The following NRXN1 variants were observed in gnomAD, a reference collection of about 807,000 sequenced individuals.
NRXN1 encodes neurexin-1.
A neutral mutation model predicts 150.9 loss-of-function variants in NRXN1; 39 were observed. The observed-to-expected ratio is 0.26, with a 90% CI of 0.20 to 0.34. The LOEUF (loss-of-function observed/expected upper bound fraction) is 0.34, where lower values mean the gene tolerates loss of function less well. Among genes scored for constraint, NRXN1 ranks in the 10% least tolerant of loss-of-function variants. NRXN1 has a pLI of 1.00. For missense variants in NRXN1, 1,815 were observed against 1,949.9 expected, an observed-to-expected ratio of 0.93 and a Z score of 1.30; for synonymous variants, 924 against 757.0, an observed-to-expected ratio of 1.22 and a Z score of -3.62.
At chr2:50,059,200 A>C (rs1319494261) in intron 19 of NRXN1, among the ~76,000 whole-genome samples, 1 of 152,130 alleles carries the variant, frequency 6.6e-6, no homozygotes, top group Non-Finnish European at 1.5e-5. Context: ...TGAGGAACTT[A>C]TTGGGAACTG....
At chr2:50,817,772 G>A (rs1299082363) in intron 5 of NRXN1, among the ~76,000 whole-genome samples, 1 of 151,686 alleles carries the variant, frequency 6.6e-6, no homozygotes. Context: ...TAGATGCAGG[G>A]GGTAAAAAAG....
At position 51,028,334 on chromosome 2, in the gene NRXN1, C is replaced by T. The variant is rs537003613; in HGVS notation, c.-61G>A. The T allele has an allele frequency of 2.6e-5, 30 of 1,175,762 alleles. No homozygotes were observed. The African/African-American group carries it at 3.7e-4, about 15-fold the overall frequency. The allele number at this position is 1,175,762 out of a possible 1,614,324, so 72.8% of individuals were successfully genotyped here. On this transcript the variant is annotated 5_prime_UTR_variant, in exon 2 of 23. Transcript: ENST00000401669. Reference sequence around the variant, plus strand: ...CCGACAGGGTCAAAATGGTCCTGGACACCGTGACGAAGAAATAAGGGTCCC... The same window carrying T: ...CCGACAGGGTCAAAATGGTCCTGGATACCGTGACGAAGAAATAAGGGTCCC...
intron 18 of NRXN1, among the ~76,000 whole-genome samples, chr2:50,186,021 T>G (rs17040123): frequency 6.6e-6 from 1 of 151,932 alleles, no homozygotes; most frequent in Admixed American, 6.6e-5. Context: ...AGTTAAATAC[T>G]GATTTATAAA....
At chr2:50,848,841 C>G (rs191009381) in intron 5 of NRXN1, among the ~76,000 whole-genome samples, 69 of 152,186 alleles carry the variant, frequency 4.5e-4, no homozygotes, top group African/African-American at 1.6e-3. Context: ...AAACTGGCTG[C>G]TTTAAGGAGG....
intron 5 of NRXN1, among the ~76,000 whole-genome samples, chr2:50,699,302 C>G (rs1015917364): frequency 6.6e-6 from 1 of 152,294 alleles, no homozygotes; most frequent in East Asian, 1.9e-4. Context: ...TCACCACCAC[C>G]AGCAAAGAAG....
intron 8 of NRXN1, among the ~76,000 whole-genome samples, chr2:50,593,591 C>T (rs1042906460): frequency 6.6e-6 from 1 of 152,192 alleles, no homozygotes; most frequent in Non-Finnish European, 1.5e-5. Flanking sequence ...GGGGTTCTAT[C>T]TGATCCCTGC....
At chr2:50,576,006 T>A (rs1671386402) in intron 8 of NRXN1, among the ~76,000 whole-genome samples, 1 of 152,150 alleles carries the variant, frequency 6.6e-6, no homozygotes, top group African/African-American at 2.4e-5. Context: ...TATAAATATT[T>A]ATTTATAAAA....
At chr2:50,335,032 T>A (rs183701890) in intron 17 of NRXN1, among the ~76,000 whole-genome samples, 2 of 152,294 alleles carry the variant, frequency 1.3e-5, no homozygotes, top group East Asian at 3.9e-4. Flanking sequence ...TTCCAAAGTA[T>A]ATATATCATC....
chr2:50,903,745 G>T (rs1253374946), intron 5 of NRXN1, among the ~76,000 whole-genome samples: 1 of 152,166 alleles, frequency 6.6e-6, no homozygotes, highest in African/African-American at 2.4e-5. Flanking sequence ...GCAAAAGCCA[G>T]AGAGAGATGA....
chr2:50,792,357 G>A (rs1286476217), intron 5 of NRXN1, among the ~76,000 whole-genome samples: 1 of 152,004 alleles, frequency 6.6e-6, no homozygotes. Context: ...ATGATTTAGA[G>A]ATCATGTCCA....
At chr2:50,449,186 T>C (rs190028573) in intron 17 of NRXN1, among the ~76,000 whole-genome samples, 4 of 152,208 alleles carry the variant, frequency 2.6e-5, no homozygotes, top group Non-Finnish European at 5.9e-5. Context: ...TCTTCACTTG[T>C]ATAAAACTGT....
chr2:50,948,305 A>G (rs1690737518), intron 2 of NRXN1, among the ~76,000 whole-genome samples: 1 of 152,064 alleles, frequency 6.6e-6, no homozygotes, highest in South Asian at 2.1e-4. Context: ...GGCAATTTAG[A>G]TAGATCCAAA....
At chr2:50,094,573 T>G (rs1699977901) in intron 18 of NRXN1, among the ~76,000 whole-genome samples, 1 of 152,138 alleles carries the variant, frequency 6.6e-6, no homozygotes, top group Non-Finnish European at 1.5e-5. Context: ...GGGAAGAGAC[T>G]GTGGCTTGCT....
At chr2:50,893,880 A>G (rs533596668) in intron 5 of NRXN1, among the ~76,000 whole-genome samples, 2 of 152,214 alleles carry the variant, frequency 1.3e-5, no homozygotes, top group African/African-American at 4.8e-5. Flanking sequence ...GTGATAGTTT[A>G]CTGAGAATGA....
intron 22 of NRXN1, among the ~76,000 whole-genome samples, chr2:49,942,132 A>G (rs1460604362): frequency 1.3e-5 from 2 of 152,174 alleles, no homozygotes; most frequent in East Asian, 1.9e-4. Context: ...GCAGAGGCCA[A>G]TGAGCTGGGA....
intron 17 of NRXN1, among the ~76,000 whole-genome samples, chr2:50,313,114 T>C (rs1279226322): frequency 6.6e-6 from 1 of 152,070 alleles, no homozygotes; most frequent in Non-Finnish European, 1.5e-5. Context: ...AGGTCAGGAA[T>C]TTTTTTCTGA....
At chr2:50,610,963 C>T (rs1351492977) in intron 8 of NRXN1, among the ~76,000 whole-genome samples, 1 of 149,474 alleles carries the variant, frequency 6.7e-6, no homozygotes, top group Non-Finnish European at 1.5e-5. Flanking sequence ...CCAGGCTGGT[C>T]TTGAACTCCT....
chr2:50,178,753 C>A (rs535670294), intron 18 of NRXN1, among the ~76,000 whole-genome samples: 1 of 151,962 alleles, frequency 6.6e-6, no homozygotes, highest in Non-Finnish European at 1.5e-5. Flanking sequence ...TAATACATAC[C>A]ATAAAGTATT....
At chr2:50,174,807 C>T (rs904348813) in intron 18 of NRXN1, 1 of 151,894 alleles carries the variant, frequency 6.6e-6, no homozygotes, top group Non-Finnish European at 1.5e-5. Flanking sequence ...GGAAAATGTC[C>T]AAATATTTAA....
Sources: allele counts gnomAD v4.1 joint callset (sites outside exome capture counted in the v4.1 genomes callset), GRCh38; gene constraint gnomAD v4.1.1; transcripts MANE v1.5; gene names NCBI Gene and HGNC (gene_info 2026-07-23, HGNC 2026-07-21).